The following C11orf65 variants were observed in gnomAD, a reference collection of about 807,000 sequenced individuals.
C11orf65 encodes protein MFI.
A neutral mutation model predicts 35.3 loss-of-function variants in C11orf65; 38 were observed. The ratio of observed to expected loss-of-function variants is 1.08; its 90% CI spans 0.83 to 1.41. The LOEUF is 1.41. C11orf65 is among the 40% of genes most tolerant of loss of function. The pLI is 0.00. For synonymous variants in C11orf65, 105 were observed against 114.4 expected, an observed-to-expected ratio of 0.92 and a Z score of 0.53; for missense variants, 370 against 367.1, an observed-to-expected ratio of 1.01 and a Z score of -0.06.
intron 6 of C11orf65, chr11:108,312,563 A>G (rs1030887273): frequency 6.7e-6 from 8 of 1,186,750 alleles, no homozygotes; most frequent in African/African-American, 1.5e-5. Flanking sequence ...ATTTTGTTAT[A>G]GACACTGTAC....
rs144040705 is a variant in C11orf65 at position 108,349,810 on chromosome 11, G to A, written c.227-14518C>T. 3.4e-3 allele frequency among the ~76,000 whole-genome samples: 522 copies of A among 152,218 alleles called. 2 individuals are homozygous for A. The highest frequency in any genetic ancestry group is 0.012 in the African/African-American group (497 of 41,536). The stretch of plus-strand genomic sequence containing the variant: ...AACCTGTTAGATATTGAAGATACAG[G>A]AGAAAAACAAAAGATAATTGAAATA... On this transcript the variant is annotated intron_variant, in intron 2 of 3. Coordinates refer to the C11orf65 transcript ENST00000524755.
At chr11:108,436,843 C>T (rs886799567) in intron 2 of C11orf65, among the ~76,000 whole-genome samples, 2 of 151,840 alleles carry the variant, frequency 1.3e-5, no homozygotes, top group African/African-American at 4.8e-5. Context: ...GGGAAAAATC[C>T]CAATAACATG....
intron 2 of C11orf65, among the ~76,000 whole-genome samples, chr11:108,442,611 A>G (rs2093174716): frequency 6.6e-6 from 1 of 152,226 alleles, no homozygotes; most frequent in Admixed American, 6.5e-5. Context: ...AACCCATCAG[A>G]ATAACAGCGG....
chr11:108,387,095 G>C (rs374594747), intron 7 of C11orf65, among the ~76,000 whole-genome samples: 1 of 142,024 alleles, frequency 7.0e-6, no homozygotes, highest in South Asian at 2.4e-4. Flanking sequence ...AAAAAAAAAA[G>C]AATTATCATG....
At chr11:108,335,999 A>G (rs2136703737) in intron 2 of C11orf65, 1 of 1,493,962 alleles carries the variant, frequency 6.7e-7, no homozygotes, top group East Asian at 2.3e-5. Context: ...CCAAAAACAT[A>G]TAAAAGATGC....
Position 108,431,697 on chromosome 11 carries a change from C to T in C11orf65, c.174+49G>A, listed in dbSNP as rs753692997. On this transcript the variant is annotated intron_variant, in intron 3 of 8. Transcript: ENST00000393084. ...GCACACTGAATTGATAAAGTAATCA[C>T]ATTTTATGGAAAAATATAGGATGCT... 3 of 1,016,066 alleles carry T rather than the reference C, an allele frequency of 3.0e-6. No homozygotes were observed. The Admixed American group carries it at 8.0e-5, about 27-fold the overall frequency. 62.9% of individuals were successfully genotyped at this position (1,016,066 alleles called of 1,614,324 possible). A position where few individuals can be genotyped will look rare whatever the true frequency, so the allele number is the denominator to read the frequency against.
In C11orf65 at chr11:108,461,496, C is replaced by T. The variant is rs1263763924; in HGVS notation, c.64G>A (p.Ala22Thr). 6.2e-7 allele frequency: 1 copy of T among 1,608,992 alleles called. No individual in the cohort carries two copies. The highest frequency in any genetic ancestry group is 1.1e-5 in the South Asian group (1 of 89,716). Reference sequence around the variant, plus strand: ...AAACTCACAAGGAAACTTTTCCAGGCCTGCTGAATGACTCTGGCAGCCTTA... The same window carrying T: ...AAACTCACAAGGAAACTTTTCCAGGTCTGCTGAATGACTCTGGCAGCCTTA... ...QDKAARVIQQ[A>T]WKSFLNVAIF... is the part of the protein sequence containing the mutation. Residue 22 changes from alanine to threonine, a missense_variant, in exon 2 of 9, where the codon GCC becomes ACC. Transcript: ENST00000393084.
chr11:108,425,127 C>G (rs1485050004), intron 3 of C11orf65, among the ~76,000 whole-genome samples: 3 of 152,114 alleles, frequency 2.0e-5, no homozygotes, highest in African/African-American at 7.2e-5. Context: ...CATTCAAAAT[C>G]TAGCAGAAGA....
intron 5 of C11orf65, 109 bp downstream of exon 5, chr11:108,406,649 CAATTA>C: frequency 1.4e-6 from 1 of 700,718 alleles, no homozygotes; most frequent in Non-Finnish European, 2.1e-6. Context: ...CAAAATTTAT[CAATTA>C]AATTACTAGG....
chr11:108,314,750 A>G (rs137904706), intron 6 of C11orf65, among the ~76,000 whole-genome samples: 9 of 152,328 alleles, frequency 5.9e-5, no homozygotes, highest in Non-Finnish European at 1.2e-4. Flanking sequence ...TATAAACAAC[A>G]CAATTTTGTA....
chr11:108,422,551 T>C (rs1208971811), intron 3 of C11orf65, among the ~76,000 whole-genome samples: 1 of 152,132 alleles, frequency 6.6e-6, no homozygotes, highest in African/African-American at 2.4e-5. Context: ...TTTCAATAAA[T>C]AGCATTTAAT....
chr11:108,357,409 G>C (rs930932633), intron 2 of C11orf65, among the ~76,000 whole-genome samples: 23 of 152,346 alleles, frequency 1.5e-4, no homozygotes, highest in Admixed American at 6.5e-4. Context: ...GGTAAACAAA[G>C]CAGCCGGGAA....
chr11:108,321,842 A>G (rs893267731), intron 6 of C11orf65, among the ~76,000 whole-genome samples: 1 of 152,154 alleles, frequency 6.6e-6, no homozygotes, highest in Non-Finnish European at 1.5e-5. Context: ...CCTTTTATCA[A>G]GATATAAGTT....
Position 108,317,652 on chromosome 11 carries a change from TAC to T in C11orf65, c.641-8583_641-8582del, listed in dbSNP as rs1181493043. ...ATATATATATATATATATATATATA[TAC>T]ACACACACACACACACACACTATAT... On this transcript the variant is annotated intron_variant, in intron 6 of 6. Transcript: ENST00000525729. 485 of 118,270 alleles carry T rather than the reference TAC, an allele frequency of 4.1e-3. 5 individuals carry two copies. The highest frequency in any genetic ancestry group is 0.022 in the African/African-American group (429 of 19,762). The allele number at this position is 118,270 out of a possible 1,614,324, so 7.3% of individuals were successfully genotyped here.
At chr11:108,308,896 G>A in exon 7 of C11orf65, 2 of 849,750 alleles carry the variant, frequency 2.4e-6, no homozygotes, top group South Asian at 1.5e-5. Flanking sequence ...CCTATCAGAA[G>A]CTTTAATGTA....
chr11:108,373,495 T>C (rs1047852513), intron 2 of C11orf65, among the ~76,000 whole-genome samples: 3 of 152,160 alleles, frequency 2.0e-5, no homozygotes, highest in Non-Finnish European at 4.4e-5. Context: ...GTAATGTAAA[T>C]AGAAAGCAAT....
intron 3 of C11orf65, among the ~76,000 whole-genome samples, chr11:108,419,187 G>A (rs1032652322): frequency 4.6e-5 from 7 of 152,116 alleles, no homozygotes; most frequent in East Asian, 3.8e-4. Context: ...TAAATTAGAC[G>A]TTCTGCAGGA....
chr11:108,467,353 G>C (rs1352418648), intron 1 of C11orf65, 118 bp downstream of exon 1: 1 of 152,384 alleles, frequency 6.6e-6, no homozygotes, highest in Non-Finnish European at 1.5e-5. Flanking sequence ...ATGGGGAATG[G>C]TATCAAGGGT....
intron 2 of C11orf65, among the ~76,000 whole-genome samples, chr11:108,459,990 T>C (rs1188024148): frequency 6.6e-6 from 1 of 152,152 alleles, no homozygotes; most frequent in Non-Finnish European, 1.5e-5. Context: ...GAAGATTAGC[T>C]GGGTATAACA....
Sources: gnomAD v4.1 joint callset for allele counts (sites outside exome capture counted in the v4.1 genomes callset) on GRCh38, gnomAD v4.1.1 for gene constraint, MANE v1.5 for transcripts, NCBI Gene and HGNC (gene_info 2026-07-23, HGNC 2026-07-21) for gene names.